The following ZBTB20 variants were observed in gnomAD, a reference collection of about 807,000 sequenced individuals.
ZBTB20 encodes the protein zinc finger and BTB domain containing 20.
A neutral mutation model predicts 56.9 loss-of-function variants in ZBTB20; 9 were observed. That is an observed-to-expected ratio of 0.16 (90% CI 0.10 to 0.28). ZBTB20 has a LOEUF of 0.28. ZBTB20 is among the 10% of genes least tolerant of loss of function. The pLI is 1.00. For missense variants in ZBTB20, 655 were observed against 1,003.0 expected (o/e 0.65, Z 4.69); for synonymous variants, 417 against 420.7 (o/e 0.99, Z 0.11).
chr3:114,996,487 T>C (rs1473771652), intron 2 of ZBTB20, among the ~76,000 whole-genome samples: 1 of 151,932 alleles, frequency 6.6e-6, no homozygotes, highest in Non-Finnish European at 1.5e-5. Context: ...GTTAGTTTGC[T>C]GAGAATGATG....
At chr3:114,531,012 T>C (rs1363905377) in intron 6 of ZBTB20, among the ~76,000 whole-genome samples, 1 of 152,224 alleles carries the variant, frequency 6.6e-6, no homozygotes, top group East Asian at 1.9e-4. Flanking sequence ...TCTAGTCTTA[T>C]GGCTTTACCT....
intron 2 of ZBTB20, among the ~76,000 whole-genome samples, chr3:115,045,518 T>C (rs1241000267): frequency 6.6e-6 from 1 of 151,942 alleles, no homozygotes; most frequent in African/African-American, 2.4e-5. Context: ...GAAGTTTGTT[T>C]ACTGGTATTG....
At chr3:114,530,445 TC>T (rs1394728312) in intron 6 of ZBTB20, among the ~76,000 whole-genome samples, 1 of 152,202 alleles carries the variant, frequency 6.6e-6, no homozygotes, top group Non-Finnish European at 1.5e-5. Context: ...GTAAGCTCTA[TC>T]ATCTAGGTTT....
At chr3:114,830,246 C>A (rs2073773176) in intron 4 of ZBTB20, among the ~76,000 whole-genome samples, 1 of 151,916 alleles carries the variant, frequency 6.6e-6, no homozygotes, top group African/African-American at 2.4e-5. Context: ...ACTTACCAAA[C>A]AGACAAATTA....
At chr3:114,794,210 T>C (rs1448251743) in intron 5 of ZBTB20, among the ~76,000 whole-genome samples, 1 of 152,066 alleles carries the variant, frequency 6.6e-6, no homozygotes, top group Non-Finnish European at 1.5e-5. Flanking sequence ...CTGAGTGTGG[T>C]AGCAAGGATT....
At chr3:115,137,987 C>T (rs1026015699) in intron 1 of ZBTB20, among the ~76,000 whole-genome samples, 1 of 152,062 alleles carries the variant, frequency 6.6e-6, no homozygotes, top group Admixed American at 6.6e-5. Flanking sequence ...GTTTTCGAAA[C>T]TCTCAGTGAC....
chr3:115,018,084 A>T (rs1209797807), intron 2 of ZBTB20, among the ~76,000 whole-genome samples: 1 of 151,398 alleles, frequency 6.6e-6, no homozygotes, highest in Admixed American at 6.6e-5. Flanking sequence ...GCTGATTTGT[A>T]TGCATGAAGT....
At chr3:114,403,249 TG>T (rs1352793847) in intron 7 of ZBTB20, among the ~76,000 whole-genome samples, 1 of 152,174 alleles carries the variant, frequency 6.6e-6, no homozygotes, top group Non-Finnish European at 1.5e-5. Context: ...AGAAGGGAGC[TG>T]GGCTATGCCA....
At chr3:115,042,862 T>G (rs1189657057) in intron 2 of ZBTB20, among the ~76,000 whole-genome samples, 1 of 152,252 alleles carries the variant, frequency 6.6e-6, no homozygotes, top group African/African-American at 2.4e-5. Flanking sequence ...CTACATCTTT[T>G]CCATGCTTTA....
intron 8 of ZBTB20, chr3:114,388,780 A>G (rs1277227960): frequency 6.6e-6 from 1 of 152,418 alleles, no homozygotes; most frequent in African/African-American, 2.4e-5. Context: ...GATACAGCTC[A>G]GCACAGCCAT....
At chr3:114,980,355 TAA>T (rs897188196) in intron 2 of ZBTB20, among the ~76,000 whole-genome samples, 34 of 151,134 alleles carry the variant, frequency 2.2e-4, no homozygotes, top group African/African-American at 7.7e-4. Flanking sequence ...CTAAAAACTT[TAA>T]AGTTTTTGGG....
At chr3:114,495,966 C>T (rs1192123128) in intron 7 of ZBTB20, among the ~76,000 whole-genome samples, 1 of 152,002 alleles carries the variant, frequency 6.6e-6, no homozygotes, top group Non-Finnish European at 1.5e-5. Flanking sequence ...ATGTAATTTC[C>T]TAAGAGTTGG....
chr3:114,451,594 GCA>G (rs1389332359), intron 7 of ZBTB20, among the ~76,000 whole-genome samples: 1 of 148,894 alleles, frequency 6.7e-6, no homozygotes, highest in Non-Finnish European at 1.5e-5. Flanking sequence ...ATGCATGTGC[GCA>G]CACACGCTAT....
intron 5 of ZBTB20, among the ~76,000 whole-genome samples, chr3:114,741,594 G>A (rs2066582106): frequency 1.3e-5 from 2 of 152,132 alleles, no homozygotes; most frequent in South Asian, 4.2e-4. Context: ...ATACAGAAGA[G>A]GCCGGTGCGG....
chr3:114,559,426 GC>G lies in ZBTB20; in HGVS notation c.-294-59036del, dbSNP rs541633624. On this transcript the variant is annotated intron_variant, in intron 6 of 11. Transcript: ENST00000675478. Reference sequence around the variant, plus strand: ...ACAATTCTGGTCTGAAATCTTGTTAGCCCAGTCAGTCCTACAGTGATTTACT... The same window carrying G: ...ACAATTCTGGTCTGAAATCTTGTTAGCCAGTCAGTCCTACAGTGATTTACT... Among the ~76,000 whole-genome samples the G allele has an allele frequency of 1.8e-4, 27 of 152,226 alleles. No homozygotes were observed. The South Asian group carries it at 5.2e-3, about 29-fold the overall frequency.
rs1491544607 is a variant in ZBTB20 at position 114,748,337 on chromosome 3, C to CTTT, written c.-343+52761_-343+52763dup. On this transcript the variant is annotated intron_variant, in intron 5 of 11. Coordinates refer to ENST00000675478, the MANE Select transcript of ZBTB20 (RefSeq NM_001348800.3). ...TTCTTTCTTTCTTTCTTTCTTTCTT[C>CTTT]TTTCTTTCTTTCTTTTCTCTCTCTC... Among the ~76,000 whole-genome samples, 28 of 36,012 alleles carry CTTT rather than the reference C, an allele frequency of 7.8e-4. 2 individuals are homozygous for CTTT. The East Asian group carries it at 0.025, about 33-fold the overall frequency. 23.6% of individuals were successfully genotyped at this position (36,012 alleles called of 152,430 possible). A position where few individuals can be genotyped will look rare whatever the true frequency, so the allele number is the denominator to read the frequency against.
chr3:114,839,137 AT>A (rs1261685285), intron 4 of ZBTB20, among the ~76,000 whole-genome samples: 5 of 152,120 alleles, frequency 3.3e-5, no homozygotes, highest in African/African-American at 1.2e-4. Context: ...TCGCTGTCTC[AT>A]GCCTATAATC....
At chr3:115,113,012 T>C (rs1283213899) in intron 1 of ZBTB20, among the ~76,000 whole-genome samples, 1 of 152,156 alleles carries the variant, frequency 6.6e-6, no homozygotes, top group African/African-American at 2.4e-5. Flanking sequence ...TGTTATCTCA[T>C]TGTGGGTTTT....
At chr3:114,863,064 C>G (rs1209343526) in intron 4 of ZBTB20, among the ~76,000 whole-genome samples, 1 of 152,096 alleles carries the variant, frequency 6.6e-6, no homozygotes, top group East Asian at 1.9e-4. Flanking sequence ...CAAGATTTTT[C>G]TATGAACCAG....
Sources: gnomAD v4.1 joint callset for allele counts (sites outside exome capture counted in the v4.1 genomes callset) on GRCh38, gnomAD v4.1.1 for gene constraint, MANE v1.5 for transcripts, NCBI Gene and HGNC (gene_info 2026-07-23, HGNC 2026-07-21) for gene names.